CENPP: variants seen among roughly 807,000 people sequenced by gnomAD.
The protein encoded by CENPP is centromere protein P.
A neutral mutation model predicts 35.6 loss-of-function variants in CENPP; 24 were observed. The ratio of observed to expected loss-of-function variants is 0.67; its 90% CI spans 0.49 to 0.95. CENPP has a LOEUF of 0.95. Ranked by LOEUF, CENPP falls within the 40% of genes least tolerant of loss-of-function variation. The pLI is 0.00. For synonymous variants in CENPP, 120 were observed against 125.5 expected, an observed-to-expected ratio of 0.96 and a Z score of 0.29; for missense variants, 332 against 345.3, an observed-to-expected ratio of 0.96 and a Z score of 0.31.
intron 5 of CENPP, among the ~76,000 whole-genome samples, chr9:92,522,162 C>T (rs1848110854): frequency 6.6e-6 from 1 of 152,092 alleles, no homozygotes; most frequent in Non-Finnish European, 1.5e-5. Context: ...TCTCTGCTCA[C>T]TGCAACCTCC....
intron 4 of CENPP, among the ~76,000 whole-genome samples, chr9:92,377,059 AGATG>A (rs1171970425): frequency 6.6e-6 from 1 of 151,690 alleles, no homozygotes; most frequent in Non-Finnish European, 1.5e-5. Flanking sequence ...AGAAAAGGGA[AGATG>A]GAGCCTCCAT....
intron 5 of CENPP, among the ~76,000 whole-genome samples, chr9:92,420,902 T>C (rs1389353421): frequency 6.6e-6 from 1 of 152,112 alleles, no homozygotes; most frequent in Non-Finnish European, 1.5e-5. Context: ...GAGGTTCTCA[T>C]AGAGGGAAGT....
At chr9:92,608,829 T>G (rs1252024013) in intron 5 of CENPP, among the ~76,000 whole-genome samples, 1 of 152,262 alleles carries the variant, frequency 6.6e-6, no homozygotes, top group African/African-American at 2.4e-5. Context: ...CTTTTTTTAC[T>G]GAAAGCATCT....
At chr9:92,413,941 A>G (rs898981127) in intron 5 of CENPP, among the ~76,000 whole-genome samples, 1 of 152,226 alleles carries the variant, frequency 6.6e-6, no homozygotes, top group Non-Finnish European at 1.5e-5. Context: ...TTTCTGAAGT[A>G]TAGTTTGACT....
At position 92,353,348 on chromosome 9, in the gene CENPP, C is replaced by T. The variant is rs573304822; in HGVS notation, c.467+7561C>T. On this transcript the variant is annotated intron_variant, in intron 4 of 7. Transcript: ENST00000375587. ...GCGTTCAGCAAGCACCTCAGGGGGT[C>T]GTGTTTTTTTCCTGATGGAGCGACC... Among the ~76,000 whole-genome samples, 9 of 152,238 alleles carry T rather than the reference C, an allele frequency of 5.9e-5. No homozygotes were observed. In the South Asian group the frequency reaches 6.2e-4, roughly 11 times the overall value.
chr9:92,486,004 A>G (rs748468307), intron 5 of CENPP, among the ~76,000 whole-genome samples: 1 of 152,172 alleles, frequency 6.6e-6, no homozygotes, highest in Non-Finnish European at 1.5e-5. Context: ...TAGATTGTAC[A>G]ATGTTCTTTT....
chr9:92,611,359 T>TG lies in CENPP; in HGVS notation c.611dup (p.Cys204TrpfsTer14). ...GTACCTCTCGGAGGGGCCCTCCTCCTGCTCCATGGGGATCCGCAGCGCCAG... is the reference window on the plus strand; with the variant it reads ...GTACCTCTCGGAGGGGCCCTCCTCCTGGCTCCATGGGGATCCGCAGCGCCAG... On this transcript the variant is annotated frameshift_variant, in exon 6 of 8. Transcript: ENST00000375587. LOFTEE classifies it high-confidence loss of function. The TG allele has an allele frequency of 6.2e-7, 1 of 1,613,674 alleles. No individual in the cohort carries two copies.
intron 5 of CENPP, among the ~76,000 whole-genome samples, chr9:92,550,011 G>C (rs1350373464): frequency 6.6e-6 from 1 of 152,162 alleles, no homozygotes; most frequent in Non-Finnish European, 1.5e-5. Flanking sequence ...AACAGACACT[G>C]AATCTCTGTA....
intron 4 of CENPP, among the ~76,000 whole-genome samples, chr9:92,362,218 TA>T (rs917795861): frequency 1.6e-3 from 241 of 146,456 alleles, no homozygotes; most frequent in Admixed American, 3.6e-3. Flanking sequence ...TTCAAAAAGT[TA>T]AAAAAAAAAA....
rs1230819775 is a variant in CENPP at position 92,620,351 on chromosome 9, G to A, written c.*7202G>A. 3 of 152,342 alleles carry A rather than the reference G, an allele frequency of 2.0e-5. No homozygotes were observed. The East Asian group carries it at 5.8e-4, about 29-fold the overall frequency. The allele number at this position is 152,342 out of a possible 1,614,324, so 9.4% of individuals were successfully genotyped here. On this transcript the variant is annotated 3_prime_UTR_variant, in exon 8 of 8. Coordinates refer to ENST00000375587, the MANE Select transcript of CENPP (RefSeq NM_001012267.3). ...TAAAGCTGTACATGTGCACATGTGT[G>A]TGACGCGGGCAGGGAGAAAGGTGAA...
chr9:92,379,601 CA>C (rs1554755189), intron 4 of CENPP, among the ~76,000 whole-genome samples, 161 bp from the exon 5 acceptor site: 1 of 152,140 alleles, frequency 6.6e-6, no homozygotes, highest in Non-Finnish European at 1.5e-5. Context: ...CATTAGCAGT[CA>C]TACCAGAGGA....
chr9:92,416,748 C>A (rs774227062), intron 5 of CENPP: 3 of 1,613,478 alleles, frequency 1.9e-6, no homozygotes. Context: ...TATGGGATGT[C>A]TTGTAGTTTG....
chr9:92,528,225 C>T (rs1156758453), intron 5 of CENPP, among the ~76,000 whole-genome samples: 1 of 152,170 alleles, frequency 6.6e-6, no homozygotes, highest in Non-Finnish European at 1.5e-5. Flanking sequence ...GCAGTCCAGG[C>T]CAGTGATCCC....
At chr9:92,421,864 T>C (rs1843808151) in intron 5 of CENPP, among the ~76,000 whole-genome samples, 1 of 152,112 alleles carries the variant, frequency 6.6e-6, no homozygotes, top group Admixed American at 6.6e-5. Flanking sequence ...AGATAGGCAA[T>C]GCTGTGGGGC....
chr9:92,447,303 T>C (rs1455643596), intron 5 of CENPP, among the ~76,000 whole-genome samples: 1 of 151,936 alleles, frequency 6.6e-6, no homozygotes, highest in Non-Finnish European at 1.5e-5. Context: ...ACCCTGAGCT[T>C]GTTTTCCTGC....
intron 4 of CENPP, among the ~76,000 whole-genome samples, chr9:92,355,425 A>G (rs1212094132): frequency 6.6e-6 from 1 of 152,022 alleles, no homozygotes; most frequent in Non-Finnish European, 1.5e-5. Flanking sequence ...CACTCTACAT[A>G]AAACAAACAC....
At chr9:92,598,729 A>G (rs183992249) in intron 5 of CENPP, among the ~76,000 whole-genome samples, 6 of 150,020 alleles carry the variant, frequency 4.0e-5, no homozygotes, top group Admixed American at 3.3e-4. Context: ...CAGTTATAAA[A>G]CAAATAACTG....
chr9:92,376,986 G>A (rs1482108283), intron 4 of CENPP, among the ~76,000 whole-genome samples: 1 of 151,648 alleles, frequency 6.6e-6, no homozygotes, highest in African/African-American at 2.4e-5. Context: ...CGGAGGTTTT[G>A]GTGAGCCGAG....
intron 5 of CENPP, among the ~76,000 whole-genome samples, chr9:92,592,895 A>G (rs779806179): frequency 5.9e-5 from 9 of 152,242 alleles, no homozygotes; most frequent in Non-Finnish European, 1.3e-4. Flanking sequence ...AGCATTTAAC[A>G]TCATATCTGT....
Sources: allele counts gnomAD v4.1 joint callset (sites outside exome capture counted in the v4.1 genomes callset), GRCh38; gene constraint gnomAD v4.1.1; transcripts MANE v1.5; gene names NCBI Gene and HGNC (gene_info 2026-07-23, HGNC 2026-07-21).